The following VPS37A variants were observed in gnomAD, a reference collection of about 807,000 sequenced individuals.
The protein encoded by VPS37A is VPS37A subunit of ESCRT-I, also known as vacuolar protein sorting-associated protein 37A.
Under a neutral mutation model 49.8 loss-of-function variants are expected in VPS37A, and 30 were observed. The ratio of observed to expected loss-of-function variants is 0.60; its 90% CI spans 0.45 to 0.82. VPS37A has a LOEUF of 0.82. VPS37A is among the 40% of genes least tolerant of loss of function. VPS37A has a pLI of 0.00. For synonymous variants in VPS37A, 195 were observed against 160.6 expected (o/e 1.21, Z -1.62); for missense variants, 593 against 464.4 (o/e 1.28, Z -2.55).
chr8:17,257,966 T>G (rs28845274), intron 1 of VPS37A, among the ~76,000 whole-genome samples: 2,786 of 152,272 alleles, frequency 0.018, 97 homozygotes, highest in African/African-American at 0.064. Flanking sequence ...TGCCACTAAT[T>G]TTTGTATGTT....
chr8:17,293,095 C>G (rs552225954), intron 11 of VPS37A, among the ~76,000 whole-genome samples: 62 of 152,222 alleles, frequency 4.1e-4, no homozygotes, highest in African/African-American at 1.5e-3. Context: ...ACCAATCAAA[C>G]ATAGGTTTTG....
chr8:17,299,917 C>T (rs1297066693), downstream of VPS37A: 1 of 1,614,168 alleles, frequency 6.2e-7, no homozygotes, highest in East Asian at 2.2e-5. Flanking sequence ...ACTATCTTCA[C>T]TCGGTGCATG....
intron 5 of VPS37A, among the ~76,000 whole-genome samples, chr8:17,276,132 C>T (rs1402133175): frequency 6.6e-6 from 1 of 151,862 alleles, no homozygotes; most frequent in African/African-American, 2.4e-5. Context: ...TGTACTTAGA[C>T]AAGAAAGAGA....
chr8:17,256,206 C>T (rs1487534134), intron 1 of VPS37A, among the ~76,000 whole-genome samples: 1 of 150,368 alleles, frequency 6.7e-6, no homozygotes, highest in Non-Finnish European at 1.5e-5. Context: ...AGCAGTATAT[C>T]AGGGTTCCCC....
At chr8:17,278,627 G>C (rs1369323509) in intron 6 of VPS37A, among the ~76,000 whole-genome samples, 1 of 152,004 alleles carries the variant, frequency 6.6e-6, no homozygotes, top group East Asian at 1.9e-4. Flanking sequence ...TCTCTGAAGG[G>C]TGCTTGTTCT....
intron 11 of VPS37A, among the ~76,000 whole-genome samples, chr8:17,293,238 G>A (rs1228073592): frequency 2.0e-5 from 3 of 150,974 alleles, no homozygotes; most frequent in East Asian, 2.0e-4. Flanking sequence ...CTGCTTGATC[G>A]ATTGGGCTGT....
chr8:17,252,360 G>C (rs928856356), intron 1 of VPS37A, among the ~76,000 whole-genome samples: 1 of 152,032 alleles, frequency 6.6e-6, no homozygotes, highest in African/African-American at 2.4e-5. Flanking sequence ...TGTTTTGGTA[G>C]AGATGGGGTT....
At chr8:17,325,658 C>G in the VPS37A span, among the ~76,000 whole-genome samples, 1 of 152,192 alleles carries the variant, frequency 6.6e-6, no homozygotes, top group Non-Finnish European at 1.5e-5. Context: ...TTTGCAAGTC[C>G]ACAGAACAAC....
chr8:17,287,157 GT>G (rs1815679716), intron 11 of VPS37A, among the ~76,000 whole-genome samples: 1 of 152,052 alleles, frequency 6.6e-6, no homozygotes, highest in African/African-American at 2.4e-5. Flanking sequence ...CATCTGTTTT[GT>G]TTTAGGAATG....
the VPS37A span, among the ~76,000 whole-genome samples, chr8:17,333,213 G>A: frequency 1.3e-5 from 2 of 152,216 alleles, no homozygotes; most frequent in Admixed American, 6.5e-5. Context: ...GGCATGCTAC[G>A]AGAATAAAGA....
At chr8:17,260,004 C>G (rs928205720) in intron 1 of VPS37A, among the ~76,000 whole-genome samples, 4 of 152,034 alleles carry the variant, frequency 2.6e-5, no homozygotes, top group Non-Finnish European at 5.9e-5. Context: ...ATTCTTGGGT[C>G]TTGTTGCTTT....
the VPS37A span, among the ~76,000 whole-genome samples, chr8:17,309,672 G>GAT: frequency 6.6e-6 from 1 of 152,198 alleles, no homozygotes; most frequent in Admixed American, 6.5e-5. Context: ...CCGAAGGAAA[G>GAT]AGGTTTCATA....
At chr8:17,325,196 G>A in the VPS37A span, among the ~76,000 whole-genome samples, 6 of 151,934 alleles carry the variant, frequency 3.9e-5, no homozygotes, top group African/African-American at 7.3e-5. Context: ...GGGTGTGTCC[G>A]GGGCTCTTCC....
chr8:17,296,089 T>A lies in VPS37A; in HGVS notation c.*1103T>A, dbSNP rs1307547594. 2 of 152,218 alleles carry A rather than the reference T, an allele frequency of 1.3e-5. No homozygotes were observed. Among genetic ancestry groups the A allele is most frequent in the Admixed American group, 1.3e-4 (2 of 15,288 alleles). The allele number at this position is 152,218 out of a possible 1,614,324, so 9.4% of individuals were successfully genotyped here. On this transcript the variant is annotated 3_prime_UTR_variant, in exon 12 of 12. Transcript: ENST00000324849. Reference sequence around the variant, plus strand: ...AACTAATGCATAATTTTGCTTAAATTTCATCCCAGTATGATTGTCTTCCCA... The same window carrying A: ...AACTAATGCATAATTTTGCTTAAATATCATCCCAGTATGATTGTCTTCCCA...
In VPS37A at chr8:17,274,719, C is replaced by T. The variant is rs907080055; in HGVS notation, c.417-14C>T. 3 of 1,593,352 alleles carry T rather than the reference C, an allele frequency of 1.9e-6. No homozygotes were observed. The highest frequency in any genetic ancestry group is 1.3e-5 in the African/African-American group (1 of 74,274). The stretch of plus-strand genomic sequence containing the variant: ...ATAAAATCTAATGTAATGATCTTCT[C>T]TTTTTCTTTTCAGTCTATACAGTAA... On this transcript the variant is annotated splice_polypyrimidine_tract_variant and intron_variant, in intron 4 of 11. Coordinates refer to ENST00000324849, the MANE Select transcript of VPS37A (RefSeq NM_152415.3).
At chr8:17,287,105 C>T (rs1032407624) in intron 11 of VPS37A, among the ~76,000 whole-genome samples, 19 of 152,162 alleles carry the variant, frequency 1.2e-4, no homozygotes, top group Admixed American at 3.3e-4. Flanking sequence ...TATCTTTGGC[C>T]GTGCTTGTAC....
intron 11 of VPS37A, among the ~76,000 whole-genome samples, chr8:17,288,907 C>G (rs1352400283): frequency 2.0e-5 from 3 of 152,176 alleles, no homozygotes; most frequent in African/African-American, 7.2e-5. Context: ...TTAATAATTG[C>G]CATTCTAACT....
chr8:17,247,380 G>A lies in VPS37A; in HGVS notation c.125+11G>A, dbSNP rs1405427560. 7.3e-7 allele frequency: 1 copy of A among 1,365,118 alleles called. No homozygotes were observed. The allele number at this position is 1,365,118 out of a possible 1,614,324, so 84.6% of individuals were successfully genotyped here. A position where few individuals can be genotyped will look rare whatever the true frequency, so the allele number is the denominator to read the frequency against. The stretch of plus-strand genomic sequence containing the variant: ...GAACTCACACTCCAGGTGACTGGTC[G>A]CTGCCTCTCCACCGGAGGAAAAAGT... On this transcript the variant is annotated intron_variant, in intron 1 of 11. Coordinates refer to ENST00000324849, the MANE Select transcript of VPS37A (RefSeq NM_152415.3).
chr8:17,282,346 G>C (rs1038632839), intron 9 of VPS37A, among the ~76,000 whole-genome samples: 1 of 152,004 alleles, frequency 6.6e-6, no homozygotes, highest in Admixed American at 6.6e-5. Flanking sequence ...ACAATACACA[G>C]AAAGTTTATT....
Sources: allele counts gnomAD v4.1 joint callset (sites outside exome capture counted in the v4.1 genomes callset), GRCh38; gene constraint gnomAD v4.1.1; transcripts MANE v1.5; gene names NCBI Gene and HGNC (gene_info 2026-07-23, HGNC 2026-07-21).